Variants in MERTK observed in about 807,000 individuals in gnomAD.
MERTK encodes tyrosine-protein kinase Mer.
In MERTK, 69 loss-of-function variants were observed where a neutral mutation model predicts 99.3. The ratio of observed to expected loss-of-function variants is 0.70; its 90% CI spans 0.57 to 0.85. The LOEUF is 0.85. Among genes scored for constraint, MERTK ranks in the 40% least tolerant of loss-of-function variants. The pLI is 0.00. For missense variants in MERTK, 1,125 were observed against 1,249.4 expected, an observed-to-expected ratio of 0.90 and a Z score of 1.50; for synonymous variants, 426 against 467.6, an observed-to-expected ratio of 0.91 and a Z score of 1.15.
intron 1 of MERTK, among the ~76,000 whole-genome samples, chr2:111,912,566 G>A (rs1684270923): frequency 6.6e-6 from 1 of 152,118 alleles, no homozygotes. Flanking sequence ...TAGGTTATAT[G>A]CAATTTCAGC....
chr2:111,940,596 A>G (rs1333161831), intron 2 of MERTK: 1 of 651,988 alleles, frequency 1.5e-6, no homozygotes, highest in African/African-American at 1.8e-5. Context: ...CCAGGCAATC[A>G]TCATGACATT....
At chr2:112,010,090 C>T in intron 15 of MERTK, 24 bp downstream of exon 15, 1 of 1,497,194 alleles carries the variant, frequency 6.7e-7, no homozygotes, top group Non-Finnish European at 9.3e-7. Context: ...TGTGTTACCC[C>T]TGAACACTTC....
intron 15 of MERTK, among the ~76,000 whole-genome samples, chr2:112,017,611 TGACAGA>T (rs1355992114): frequency 6.7e-6 from 1 of 148,296 alleles, no homozygotes; most frequent in African/African-American, 2.5e-5. Flanking sequence ...CCAGTCTGGG[TGACAGA>T]GCACGACTTC....
rs746074841 is a variant in MERTK, at chr2:111,929,514, A to T, written c.456A>T (p.Glu152Asp). 1 of 1,613,514 alleles carries T rather than the reference A, an allele frequency of 6.2e-7. No individual in the cohort carries two copies. The highest frequency in any genetic ancestry group is 1.3e-5 in the African/African-American group (1 of 75,018). Residue 152 changes from glutamate (E) to aspartate (D), a missense_variant, in exon 2 of 19, where the codon GAA becomes GAT. Physicochemically the swap from Glu to Asp is conservative, Grantham distance 45. Coordinates refer to ENST00000295408, the MANE Select transcript of MERTK (RefSeq NM_006343.3). Reference sequence around the variant, plus strand: ...TTACACAGTTTTATCCAGATGATGAAGTTACAGCAATAATCGCTTCCTTCA... The same window carrying T: ...TTACACAGTTTTATCCAGATGATGATGTTACAGCAATAATCGCTTCCTTCA... ...HAITQFYPDD[E>D]VTAIIASFSI...
chr2:111,908,163 C>T (rs939499166), intron 1 of MERTK, among the ~76,000 whole-genome samples: 1 of 152,132 alleles, frequency 6.6e-6, no homozygotes, highest in Admixed American at 6.5e-5. Flanking sequence ...AATTCCTAGA[C>T]AAAGTGAGAA....
chr2:112,010,134 A>C, intron 15 of MERTK, 68 bp downstream of exon 15: 1 of 1,151,936 alleles, frequency 8.7e-7, no homozygotes, highest in Non-Finnish European at 1.3e-6. Flanking sequence ...GGACAACCAA[A>C]TCATCTAATC....
At chr2:112,026,765 A>AG (rs1231420728) in intron 18 of MERTK, among the ~76,000 whole-genome samples, 2 of 152,226 alleles carry the variant, frequency 1.3e-5, no homozygotes, top group Non-Finnish European at 2.9e-5. Context: ...AGATGAAAAG[A>AG]TATTATTATA....
chr2:111,981,572 T>G (rs953158632), intron 7 of MERTK, among the ~76,000 whole-genome samples: 2 of 152,288 alleles, frequency 1.3e-5, no homozygotes, highest in African/African-American at 4.8e-5. Context: ...TATGCTGCAA[T>G]GAATATAACA....
At chr2:111,935,638 C>CGTGTGTGTGTGT (rs55986780) in intron 2 of MERTK, among the ~76,000 whole-genome samples, 9 of 139,932 alleles carry the variant, frequency 6.4e-5, no homozygotes, top group Non-Finnish European at 9.2e-5. Flanking sequence ...GGTCTTGGCT[C>CGTGTGTGTGTGT]GTGTGTGTGT....
intron 1 of MERTK, among the ~76,000 whole-genome samples, chr2:111,917,716 C>G (rs1468250465): frequency 6.6e-6 from 1 of 152,046 alleles, no homozygotes; most frequent in Non-Finnish European, 1.5e-5. Context: ...GAAACCCCGT[C>G]TCTACTAAAA....
chr2:112,019,026 A>G (rs993495724), intron 15 of MERTK, among the ~76,000 whole-genome samples: 64 of 152,150 alleles, frequency 4.2e-4, no homozygotes, highest in Non-Finnish European at 7.4e-4. Flanking sequence ...ACACACACAC[A>G]CACACACACC....
chr2:111,953,737 G>C (rs772758186), intron 4 of MERTK, among the ~76,000 whole-genome samples: 1 of 152,074 alleles, frequency 6.6e-6, no homozygotes, highest in South Asian at 2.1e-4. Context: ...TATCATGCCC[G>C]GCTCATTTTT....
intron 1 of MERTK, among the ~76,000 whole-genome samples, chr2:111,913,513 CT>C (rs1684289668): frequency 6.6e-6 from 1 of 152,020 alleles, no homozygotes; most frequent in Admixed American, 6.6e-5. Flanking sequence ...TCCAAGGAGA[CT>C]TTTTTATAGA....
intron 5 of MERTK, among the ~76,000 whole-genome samples, chr2:111,966,957 C>T (rs1244001686): frequency 2.0e-5 from 3 of 152,160 alleles, no homozygotes; most frequent in Non-Finnish European, 4.4e-5. Context: ...CCACAGTTCC[C>T]CACATTTATT....
At chr2:112,022,204 A>G (rs1057062674) in intron 17 of MERTK, 54 bp from the exon 18 acceptor site, 3 of 1,613,302 alleles carry the variant, frequency 1.9e-6, no homozygotes, top group African/African-American at 2.7e-5. Flanking sequence ...GAAAAAGTCC[A>G]TTCAGGCTTT....
chr2:111,963,209 A>G (rs1244784897), intron 4 of MERTK, among the ~76,000 whole-genome samples: 2 of 152,246 alleles, frequency 1.3e-5, no homozygotes, highest in African/African-American at 2.4e-5. Flanking sequence ...TTGCTGCCGC[A>G]TGTCCTACCT....
At chr2:111,984,507 C>T (rs1276342554) in intron 8 of MERTK, among the ~76,000 whole-genome samples, 1 of 152,144 alleles carries the variant, frequency 6.6e-6, no homozygotes, top group Non-Finnish European at 1.5e-5. Context: ...AATTCTGACT[C>T]ACTTGAAGGT....
chr2:111,965,447 AAAGTG>A, intron 5 of MERTK, among the ~76,000 whole-genome samples, 170 bp downstream of exon 5: 1 of 152,326 alleles, frequency 6.6e-6, no homozygotes, highest in Admixed American at 6.5e-5. Flanking sequence ...TCCCCTCTGA[AAAGTG>A]GAGATAATTA....
At chr2:111,921,457 A>T (rs1320737623) in intron 1 of MERTK, among the ~76,000 whole-genome samples, 2 of 151,242 alleles carry the variant, frequency 1.3e-5, no homozygotes, top group African/African-American at 4.9e-5. Context: ...CTGAGATCAC[A>T]CCACTGCACT....
Sources: gnomAD v4.1 joint callset for allele counts (sites outside exome capture counted in the v4.1 genomes callset) on GRCh38, gnomAD v4.1.1 for gene constraint, MANE v1.5 for transcripts, NCBI Gene and HGNC (gene_info 2026-07-23, HGNC 2026-07-21) for gene names.